CRTC1: variants seen among roughly 807,000 people sequenced by gnomAD.
The protein encoded by CRTC1 is CREB-regulated transcription coactivator 1.
A neutral mutation model predicts 66.1 loss-of-function variants in CRTC1; 18 were observed. The ratio of observed to expected loss-of-function variants is 0.27; its 90% CI spans 0.19 to 0.40. The LOEUF is 0.40. Ranked by LOEUF, CRTC1 falls within the 10% of genes least tolerant of loss-of-function variation. The pLI, the probability that CRTC1 is intolerant of heterozygous loss-of-function variation, is 1.00. For missense variants in CRTC1, 669 were observed against 887.9 expected (o/e 0.75, Z 3.13); for synonymous variants, 416 against 398.8 (o/e 1.04, Z -0.51).
In CRTC1 at chr19:18,777,272, G is replaced by T; in HGVS notation, c.1795G>T (p.Glu599Ter). 6.2e-7 allele frequency: 1 copy of T among 1,612,296 alleles called. No individual in the cohort carries two copies. Among genetic ancestry groups the T allele is most frequent in the Non-Finnish European group, 8.5e-7 (1 of 1,179,942 alleles). ...FDSDSQFPLDELKIDPLTLDG... is the reference protein window; with the variant it reads ...FDSDSQFPLD ...CTCCGACAGCCAGTTTCCCCTGGACGAACTCAAGATCGACCCCCTGACCCT... is the reference window on the plus strand; with the variant it reads ...CTCCGACAGCCAGTTTCCCCTGGACTAACTCAAGATCGACCCCCTGACCCT... The change falls in exon 14 of 14, where the codon GAA becomes TAA. Residue 599 changes from glutamate to a stop codon, truncating the protein, a stop_gained. Transcript: ENST00000321949. LOFTEE classifies it high-confidence loss of function. The surrounding 1 kb of genome is among the most constrained non-coding windows in gnomAD (Gnocchi z 5.5).
intron 1 of CRTC1, among the ~76,000 whole-genome samples, chr19:18,686,525 T>C (rs1017349199): frequency 1.3e-5 from 2 of 152,178 alleles, no homozygotes; most frequent in Non-Finnish European, 2.9e-5. Flanking sequence ...CACATGCCTG[T>C]AATCCCAGCT....
intron 1 of CRTC1, among the ~76,000 whole-genome samples, chr19:18,726,945 A>AG (rs2053767881): frequency 6.6e-6 from 1 of 151,586 alleles, no homozygotes; most frequent in South Asian, 2.1e-4. Context: ...AAAAAAAAAA[A>AG]AAAAAAAGAA....
chr19:18,735,775 T>C (rs1013373740), intron 1 of CRTC1: 1 of 153,138 alleles, frequency 6.5e-6, no homozygotes, highest in Non-Finnish European at 1.5e-5. Flanking sequence ...GGCTCCCCAG[T>C]GCTGTGTCTC....
Position 18,768,854 on chromosome 19 carries a change from G to A in CRTC1, c.1320+61G>A. On this transcript the variant is annotated intron_variant, in intron 10 of 13. Coordinates refer to ENST00000321949, the MANE Select transcript of CRTC1 (RefSeq NM_015321.3). The surrounding 1 kb of genome is among the most constrained non-coding windows in gnomAD (Gnocchi z 5.6). ...GGGGTCTTGTAGAGGACAGCCCGGG[G>A]GCTGCAGAACAGTCGGGTTACCTGC... 3 of 1,521,386 alleles carry A rather than the reference G, an allele frequency of 2.0e-6. No individual in the cohort carries two copies. The highest frequency in any genetic ancestry group is 2.6e-6 in the Non-Finnish European group (3 of 1,134,736). The allele number at this position is 1,521,386 out of a possible 1,614,324, so 94.2% of individuals were successfully genotyped here. A position where few individuals can be genotyped will look rare whatever the true frequency, so the allele number is the denominator to read the frequency against.
chr19:18,686,870 G>GTCA (rs1295340669), intron 1 of CRTC1, among the ~76,000 whole-genome samples: 1 of 152,012 alleles, frequency 6.6e-6, no homozygotes, highest in Non-Finnish European at 1.5e-5. Context: ...GACATTTTGG[G>GTCA]TCATCATGAT....
At chr19:18,709,590 A>C (rs2053342518) in intron 1 of CRTC1, among the ~76,000 whole-genome samples, 1 of 152,132 alleles carries the variant, frequency 6.6e-6, no homozygotes, top group Admixed American at 6.5e-5. Flanking sequence ...GAGCAAGGCC[A>C]TGGATGGGAG....
intron 1 of CRTC1, among the ~76,000 whole-genome samples, chr19:18,742,082 C>T (rs1238187974): frequency 6.6e-6 from 1 of 152,206 alleles, no homozygotes; most frequent in Non-Finnish European, 1.5e-5. Context: ...TGGCAGGCAT[C>T]ATGGACCAGC....
At position 18,777,498 on chromosome 19, in the gene CRTC1, C is replaced by T. The variant is rs2055018485; in HGVS notation, c.*116C>T. 8 of 994,804 alleles carry T rather than the reference C, an allele frequency of 8.0e-6. No individual in the cohort carries two copies. In the East Asian group the frequency reaches 1.2e-4, roughly 15 times the overall value. The allele number at this position is 994,804 out of a possible 1,614,324, so 61.6% of individuals were successfully genotyped here. A position where few individuals can be genotyped will look rare whatever the true frequency, so the allele number is the denominator to read the frequency against. On this transcript the variant is annotated 3_prime_UTR_variant, in exon 14 of 14. Coordinates refer to ENST00000321949, the MANE Select transcript of CRTC1 (RefSeq NM_015321.3). The surrounding 1 kb of genome is among the most constrained non-coding windows in gnomAD (Gnocchi z 5.5). The stretch of plus-strand genomic sequence containing the variant: ...GCTTGTGATTCTGAGCTTGCAATGC[C>T]GCCAAGCGCCCCCCGCCAGCCCGCC...
At chr19:18,699,605 G>C (rs1035952300) in intron 1 of CRTC1, among the ~76,000 whole-genome samples, 69 of 152,178 alleles carry the variant, frequency 4.5e-4, no homozygotes, top group African/African-American at 1.6e-3. Flanking sequence ...AGACACCTTG[G>C]AGAGCAGGTC....
At chr19:18,734,589 T>TGGGAGGATTGTTTGAGCCC (rs2053958595) in intron 1 of CRTC1, among the ~76,000 whole-genome samples, 1 of 151,330 alleles carries the variant, frequency 6.6e-6, no homozygotes, top group Non-Finnish European at 1.5e-5. Context: ...GAGGCTGAGA[T>TGGGAGGATTGTTTGAGCCC]GGGAGGATTG....
chr19:18,693,977 C>G (rs1327938352), intron 1 of CRTC1, among the ~76,000 whole-genome samples: 1 of 151,782 alleles, frequency 6.6e-6, no homozygotes, highest in Non-Finnish European at 1.5e-5. Context: ...TACTAAAATA[C>G]AAAAATTAGC....
Position 18,781,538 on chromosome 19 carries a change from A to C in CRTC1, c.*4156A>C, listed in dbSNP as rs910788934. 4.4e-6 allele frequency: 1 copy of C among 228,994 alleles called. No individual in the cohort carries two copies. Among genetic ancestry groups the C allele is most frequent in the Non-Finnish European group, 8.7e-6 (1 of 115,560 alleles). The allele number at this position is 228,994 out of a possible 1,614,324, so 14.2% of individuals were successfully genotyped here. ...GTGGCACAGGTGTCCACCCACCCCCACTGGCCACAGACACCATTCTCCCCC... is the reference window on the plus strand; with the variant it reads ...GTGGCACAGGTGTCCACCCACCCCCCCTGGCCACAGACACCATTCTCCCCC... On this transcript the variant is annotated 3_prime_UTR_variant, in exon 14 of 14. Transcript: ENST00000321949.
At chr19:18,697,259 G>A (rs1209995249) in intron 1 of CRTC1, among the ~76,000 whole-genome samples, 2 of 152,070 alleles carry the variant, frequency 1.3e-5, no homozygotes, top group Non-Finnish European at 2.9e-5. Flanking sequence ...GCACCGGGGG[G>A]AGCAGCCTCA....
At chr19:18,733,366 C>T (rs7258259) in intron 1 of CRTC1, among the ~76,000 whole-genome samples, 36,881 of 152,166 alleles carry the variant, frequency 0.24, 4,925 homozygotes, top group African/African-American at 0.36. Context: ...ACGTCCCAGC[C>T]GCCACCTACA....
chr19:18,703,878 G>A (rs1321003818), intron 1 of CRTC1, among the ~76,000 whole-genome samples: 1 of 152,224 alleles, frequency 6.6e-6, no homozygotes, highest in Non-Finnish European at 1.5e-5. Flanking sequence ...GATTGCAGGC[G>A]AGAGCCACTG....
intron 6 of CRTC1, among the ~76,000 whole-genome samples, chr19:18,754,081 A>G (rs2054431729): frequency 6.6e-6 from 1 of 151,288 alleles, no homozygotes; most frequent in Admixed American, 6.6e-5. Flanking sequence ...CGCCTGGGCA[A>G]CAGAGCAAGA....
At chr19:18,745,417 T>G (rs2054209102) in intron 2 of CRTC1, among the ~76,000 whole-genome samples, 1 of 152,046 alleles carries the variant, frequency 6.6e-6, no homozygotes, top group Non-Finnish European at 1.5e-5. Context: ...ATGACGTAGG[T>G]GGGGGTAGGA....
intron 9 of CRTC1, 126 bp downstream of exon 9, chr19:18,765,654 TTTAG>T (rs1275597406): frequency 1.1e-6 from 1 of 925,594 alleles, no homozygotes; most frequent in Non-Finnish European, 1.5e-6. Context: ...TCCCAACACT[TTTAG>T]TTTTTATTAT....
intron 10 of CRTC1, among the ~76,000 whole-genome samples, chr19:18,770,559 C>T (rs1268624077): frequency 6.6e-6 from 1 of 152,202 alleles, no homozygotes; most frequent in Non-Finnish European, 1.5e-5. Context: ...TTTTCCCTGC[C>T]CATGGCGGTG....
Sources: gnomAD v4.1 joint callset for allele counts (sites outside exome capture counted in the v4.1 genomes callset) on GRCh38, gnomAD v4.1.1 for gene constraint, Gnocchi (gnomAD v3.1) non-coding constraint, MANE v1.5 for transcripts, NCBI Gene and HGNC (gene_info 2026-07-23, HGNC 2026-07-21) for gene names.